IFT57: variants seen among roughly 807,000 people sequenced by gnomAD.
IFT57 encodes the protein intraflagellar transport 57.
Under a neutral mutation model 56.8 loss-of-function variants are expected in IFT57, and 59 were observed. That is an observed-to-expected ratio of 1.04 (90% CI 0.84 to 1.29). IFT57 has a LOEUF of 1.29. IFT57 is among the 50% of genes most tolerant of loss of function. The pLI is 0.00. For synonymous variants in IFT57, 209 were observed against 186.1 expected (o/e 1.12, Z -1.00); for missense variants, 470 against 522.1 (o/e 0.90, Z 0.97).
chr3:108,181,077 A>G (rs1459194726), intron 6 of IFT57, among the ~76,000 whole-genome samples: 1 of 152,046 alleles, frequency 6.6e-6, no homozygotes, highest in Admixed American at 6.6e-5. Context: ...TAATCTCTAA[A>G]GCAAAAACAG....
intron 6 of IFT57, among the ~76,000 whole-genome samples, chr3:108,182,178 A>T (rs534260777): frequency 3.5e-4 from 53 of 152,176 alleles, no homozygotes; most frequent in Admixed American, 1.6e-3. Flanking sequence ...AGAGAAGCTA[A>T]ATTTTATTAA....
rs137919690 is a variant in IFT57, at chr3:108,172,935, G to A, written c.778-5071C>T. Among the ~76,000 whole-genome samples the A allele has an allele frequency of 1.4e-3, 209 of 151,854 alleles. 1 individual carries two copies. The highest frequency in any genetic ancestry group is 3.3e-3 in the Admixed American group (50 of 15,222). ...GTGATGATTTGTAATTACCTGTGAG[G>A]CAAATCTGAATATTTGTTTTATTAA... On this transcript the variant is annotated intron_variant, in intron 6 of 10. Transcript: ENST00000264538.
In IFT57 at chr3:108,166,928, G is replaced by A. The variant is rs1267733322; in HGVS notation, c.907C>T (p.Arg303Ter). 5.0e-6 allele frequency: 8 copies of A among 1,611,132 alleles called. No homozygotes were observed. The highest frequency in any genetic ancestry group is 1.1e-5 in the South Asian group (1 of 90,848). Residue 303 changes from arginine to a stop codon, truncating the protein, a stop_gained, in exon 8 of 11, where the codon CGA (arginine) becomes TGA (stop). Coordinates refer to ENST00000264538, the MANE Select transcript of IFT57 (RefSeq NM_018010.4). LOFTEE classifies it high-confidence loss of function. The part of the protein sequence containing the change: ...ITRTLEKISS[R>*]EKYINNQLEN... The stretch of plus-strand genomic sequence containing the variant: ...AGCTGATTGTTGATGTACTTTTCTC[G>A]GCTGCTGATCTTTTCCAAAGTCCTA...
chr3:108,218,783 C>A, intron 2 of IFT57, 130 bp from the exon 3 acceptor site: 2 of 475,290 alleles, frequency 4.2e-6, no homozygotes, highest in Non-Finnish European at 7.5e-6. Flanking sequence ...TGTAATTACA[C>A]TGCTTCATAC....
chr3:108,217,626 A>G (rs2080379766), intron 3 of IFT57, among the ~76,000 whole-genome samples: 1 of 151,924 alleles, frequency 6.6e-6, no homozygotes, highest in South Asian at 2.1e-4. Flanking sequence ...ATTATATCTA[A>G]AAGAATATAA....
chr3:108,181,940 A>T (rs1218054324), intron 6 of IFT57, among the ~76,000 whole-genome samples: 1 of 152,058 alleles, frequency 6.6e-6, no homozygotes, highest in Non-Finnish European at 1.5e-5. Context: ...AAGAATTATA[A>T]CTGTAGTTTC....
chr3:108,163,618 T>C (rs1261537594), intron 10 of IFT57, 45 bp downstream of exon 10: 2 of 1,341,702 alleles, frequency 1.5e-6, no homozygotes, highest in Admixed American at 1.8e-5. Flanking sequence ...TGAAGAGCTA[T>C]TTTTCTCTTG....
At chr3:108,177,180 T>C (rs190447897) in intron 6 of IFT57, among the ~76,000 whole-genome samples, 18 of 151,930 alleles carry the variant, frequency 1.2e-4, no homozygotes, top group African/African-American at 4.3e-4. Context: ...AATAATGCAA[T>C]AAAAATGAAT....
chr3:108,209,619 G>C (rs1329345641), intron 4 of IFT57, among the ~76,000 whole-genome samples: 1 of 152,226 alleles, frequency 6.6e-6, no homozygotes, highest in Non-Finnish European at 1.5e-5. Context: ...GAGTAAAGCA[G>C]GTTGCTATCA....
At chr3:108,190,211 A>G (rs890598984) in intron 6 of IFT57, among the ~76,000 whole-genome samples, 1 of 152,208 alleles carries the variant, frequency 6.6e-6, no homozygotes, top group African/African-American at 2.4e-5. Flanking sequence ...TTTTGGGGTT[A>G]ATGCTGGAAT....
chr3:108,198,282 T>C (rs1468484664), intron 5 of IFT57, among the ~76,000 whole-genome samples: 2 of 152,236 alleles, frequency 1.3e-5, no homozygotes, highest in Non-Finnish European at 2.9e-5. Context: ...TATTTTAACT[T>C]AACGGTGTTC....
intron 4 of IFT57, 180 bp downstream of exon 4, chr3:108,213,751 T>C: frequency 1.9e-6 from 1 of 515,120 alleles, no homozygotes; most frequent in South Asian, 3.5e-5. Flanking sequence ...CATTAGAGAA[T>C]ACAAACATTA....
At chr3:108,207,348 A>C (rs2080319195) in intron 4 of IFT57, among the ~76,000 whole-genome samples, 1 of 152,206 alleles carries the variant, frequency 6.6e-6, no homozygotes, top group Non-Finnish European at 1.5e-5. Flanking sequence ...CTCCCTCCCC[A>C]ATATGCAGTA....
chr3:108,175,512 T>C (rs2080119286), intron 6 of IFT57, among the ~76,000 whole-genome samples: 1 of 151,794 alleles, frequency 6.6e-6, no homozygotes, highest in African/African-American at 2.4e-5. Flanking sequence ...TGATTCACAG[T>C]ACACCATAAA....
At chr3:108,201,625 GAAA>G (rs1401644984) in intron 5 of IFT57, among the ~76,000 whole-genome samples, 1 of 151,882 alleles carries the variant, frequency 6.6e-6, no homozygotes, top group Non-Finnish European at 1.5e-5. Flanking sequence ...GAAAGCAGAG[GAAA>G]AAAACATTCT....
At chr3:108,174,034 GTGTGTGTGTGTT>G (rs1165753445) in intron 6 of IFT57, among the ~76,000 whole-genome samples, 1 of 150,714 alleles carries the variant, frequency 6.6e-6, no homozygotes, top group East Asian at 2.0e-4. Context: ...GTGTGTGTGT[GTGTGTGTGTGTT>G]TAAGACAGGG....
chr3:108,208,159 T>C (rs2080323780), intron 4 of IFT57, among the ~76,000 whole-genome samples: 1 of 152,046 alleles, frequency 6.6e-6, no homozygotes, highest in Admixed American at 6.5e-5. Flanking sequence ...ACAACATAAA[T>C]GTAGATTCTA....
chr3:108,213,984 C>T lies in IFT57; in HGVS notation c.532G>A (p.Val178Ile), dbSNP rs758574443. Residue 178 changes from valine to isoleucine, a missense_variant, in exon 4 of 11, where the codon GTT (valine) becomes ATT (isoleucine). Coordinates refer to ENST00000264538, the MANE Select transcript of IFT57 (RefSeq NM_018010.4). ...GTTAATTCTGCATCATCTTCTGCAA[C>T]GCTTTCTTCTTCTAATTCTTCTACT... The part of the protein sequence containing the change: ...YPVEELEEES[V>I]AEDDAELTLN... The T allele has an allele frequency of 3.0e-5, 48 of 1,608,800 alleles. No individual in the cohort carries two copies. The highest frequency in any genetic ancestry group is 2.8e-4 in the South Asian group (25 of 90,888).
chr3:108,184,124 C>T (rs1220560623), intron 6 of IFT57, among the ~76,000 whole-genome samples: 1 of 152,136 alleles, frequency 6.6e-6, no homozygotes, highest in Non-Finnish European at 1.5e-5. Flanking sequence ...GACTCCTGAG[C>T]CATACTCATT....
Sources: gnomAD v4.1 joint callset for allele counts (sites outside exome capture counted in the v4.1 genomes callset) on GRCh38, gnomAD v4.1.1 for gene constraint, MANE v1.5 for transcripts, NCBI Gene and HGNC (gene_info 2026-07-23, HGNC 2026-07-21) for gene names.